The following MDFIC2 variants were observed in gnomAD, a reference collection of about 807,000 sequenced individuals.
MDFIC2 encodes the protein MyoD family inhibitor domain containing 2, also known as myoD family inhibitor domain-containing protein 2.
chr3:70,234,212 G>A (rs1291564499), intron 2 of MDFIC2, among the ~76,000 whole-genome samples: 1 of 152,160 alleles, frequency 6.6e-6, no homozygotes, highest in Non-Finnish European at 1.5e-5. Context: ...AAGTATTCTA[G>A]ACACTTAGAG....
intron 2 of MDFIC2, among the ~76,000 whole-genome samples, chr3:70,269,125 A>G (rs771648119): frequency 1.3e-5 from 2 of 152,228 alleles, no homozygotes; most frequent in Admixed American, 6.5e-5. Context: ...AATAATATTT[A>G]CAAGGCTGAC....
intron 2 of MDFIC2, among the ~76,000 whole-genome samples, chr3:70,284,960 T>G (rs9865560): frequency 0.21 from 31,802 of 152,106 alleles, 3,545 homozygotes; most frequent in South Asian, 0.28. Flanking sequence ...TTTTGAAGTT[T>G]CATTAACAAT....
At chr3:70,281,257 G>A (rs528685503) in intron 2 of MDFIC2, among the ~76,000 whole-genome samples, 16 of 152,068 alleles carry the variant, frequency 1.1e-4, no homozygotes, top group African/African-American at 2.7e-4. Flanking sequence ...TTTCTTCAAG[G>A]TAACCTCCCC....
chr3:70,291,784 A>G (rs180693256), intron 2 of MDFIC2: 36 of 152,328 alleles, frequency 2.4e-4, no homozygotes, highest in African/African-American at 8.4e-4. Flanking sequence ...ATAGATGCTC[A>G]CTAAATTTTG....
intron 2 of MDFIC2, among the ~76,000 whole-genome samples, chr3:70,238,007 C>CTTTTTTTTTTTTT (rs1701628969): frequency 2.3e-4 from 2 of 8,620 alleles, no homozygotes; most frequent in Non-Finnish European, 2.5e-4. Flanking sequence ...TTTTTTTTTG[C>CTTTTTTTTTTTTT]CTGTCCAGGA....
intron 2 of MDFIC2, among the ~76,000 whole-genome samples, chr3:70,217,395 A>C (rs1701425748): frequency 6.6e-6 from 1 of 152,128 alleles, no homozygotes; most frequent in Non-Finnish European, 1.5e-5. Flanking sequence ...TATTGAATTA[A>C]TGGTTGAATT....
chr3:70,222,960 T>C (rs950990825), intron 2 of MDFIC2, among the ~76,000 whole-genome samples: 1 of 152,220 alleles, frequency 6.6e-6, no homozygotes, highest in Non-Finnish European at 1.5e-5. Flanking sequence ...TATCATGACC[T>C]GGAGTGCTTG....
At chr3:70,311,368 T>C (rs956057572) in intron 2 of MDFIC2, among the ~76,000 whole-genome samples, 3 of 152,140 alleles carry the variant, frequency 2.0e-5, no homozygotes, top group Non-Finnish European at 2.9e-5. Context: ...GGAGAACATA[T>C]TGATTTGTGT....
intron 2 of MDFIC2, among the ~76,000 whole-genome samples, chr3:70,232,862 T>C (rs1701573835): frequency 6.6e-6 from 1 of 152,136 alleles, no homozygotes; most frequent in African/African-American, 2.4e-5. Context: ...AAAAAAATCT[T>C]GCCATTTCTA....
At chr3:70,310,273 C>T (rs537117314) in intron 2 of MDFIC2, among the ~76,000 whole-genome samples, 56 of 152,088 alleles carry the variant, frequency 3.7e-4, no homozygotes, top group African/African-American at 1.2e-3. Flanking sequence ...AGATAATGTC[C>T]TACTATTAAA....
intron 2 of MDFIC2, among the ~76,000 whole-genome samples, chr3:70,291,562 A>G (rs1213823666): frequency 6.6e-6 from 1 of 152,144 alleles, no homozygotes; most frequent in African/African-American, 2.4e-5. Context: ...GATTCTCAGA[A>G]GGGACAATAT....
At chr3:70,311,006 A>G (rs969989700) in intron 2 of MDFIC2, among the ~76,000 whole-genome samples, 2 of 152,172 alleles carry the variant, frequency 1.3e-5, no homozygotes, top group African/African-American at 2.4e-5. Flanking sequence ...TGTCATGATG[A>G]TTCAGCAAAA....
chr3:70,297,036 A>T (rs1702296544), intron 2 of MDFIC2, among the ~76,000 whole-genome samples: 1 of 151,936 alleles, frequency 6.6e-6, no homozygotes, highest in African/African-American at 2.4e-5. Context: ...TGGCTTAACC[A>T]AGGTGTGCTG....
At chr3:70,265,160 G>T (rs1398056264) in intron 2 of MDFIC2, among the ~76,000 whole-genome samples, 1 of 152,162 alleles carries the variant, frequency 6.6e-6, no homozygotes, top group Non-Finnish European at 1.5e-5. Flanking sequence ...TTCAAGATTG[G>T]GTGGGGACAC....
At chr3:70,214,567 C>G (rs1475081744) in intron 2 of MDFIC2, among the ~76,000 whole-genome samples, 1 of 149,886 alleles carries the variant, frequency 6.7e-6, no homozygotes, top group African/African-American at 2.4e-5. Context: ...GCTTCCCCAA[C>G]ACCTGCAAAG....
At position 70,225,836 on chromosome 3, in the gene MDFIC2, G is replaced by A. The variant is rs182546568; in HGVS notation, c.89-19046C>T. The stretch of plus-strand genomic sequence containing the variant: ...GCCATTGTTGAAATAATGTTATAAT[G>A]AGCTTTGTTTAGACAAACGTTGCTA... On this transcript the variant is annotated intron_variant, in intron 2 of 3. Transcript: ENST00000567252. 8.3e-4 allele frequency among the ~76,000 whole-genome samples: 127 copies of A among 152,318 alleles called. 1 individual carries two copies. Among genetic ancestry groups the A allele is most frequent in the African/African-American group, 2.7e-3 (111 of 41,580 alleles).
At chr3:70,290,910 G>A (rs1272410117) in intron 2 of MDFIC2, among the ~76,000 whole-genome samples, 3 of 152,162 alleles carry the variant, frequency 2.0e-5, no homozygotes, top group Admixed American at 6.5e-5. Context: ...GCCTCGCCCT[G>A]CTTCGGATGG....
At chr3:70,233,358 T>C (rs554846968) in intron 2 of MDFIC2, among the ~76,000 whole-genome samples, 7 of 152,310 alleles carry the variant, frequency 4.6e-5, no homozygotes, top group Admixed American at 1.3e-4. Flanking sequence ...AATAATGACC[T>C]GTGACAGTAA....
At chr3:70,263,087 T>G (rs188627965) in intron 2 of MDFIC2, among the ~76,000 whole-genome samples, 1 of 152,316 alleles carries the variant, frequency 6.6e-6, no homozygotes, top group East Asian at 1.9e-4. Flanking sequence ...TTCCTCTATA[T>G]CTTTGAGCAT....
Sources: allele counts gnomAD v4.1 joint callset (sites outside exome capture counted in the v4.1 genomes callset), GRCh38; gene constraint gnomAD v4.1.1; transcripts MANE v1.5; gene names NCBI Gene and HGNC (gene_info 2026-07-23, HGNC 2026-07-21).